CSMD1: variants seen among roughly 807,000 people sequenced by gnomAD.
The protein encoded by CSMD1 is CUB and sushi domain-containing protein 1.
A neutral mutation model predicts 417.5 loss-of-function variants in CSMD1; 213 were observed. The ratio of observed to expected loss-of-function variants is 0.51; its 90% CI spans 0.46 to 0.57. The LOEUF (loss-of-function observed/expected upper bound fraction) is 0.57, where lower values mean the gene tolerates loss of function less well. CSMD1 is among the 20% of genes least tolerant of loss of function. The pLI, the probability that CSMD1 is intolerant of heterozygous loss-of-function variation, is 0.00. For synonymous variants in CSMD1, 2,862 were observed against 1,736.8 expected, an observed-to-expected ratio of 1.65 and a Z score of -16.11; for missense variants, 6,923 against 4,529.7, an observed-to-expected ratio of 1.53 and a Z score of -15.17.
chr8:3,679,202 A>G (rs927867042), intron 7 of CSMD1, among the ~76,000 whole-genome samples: 1 of 152,186 alleles, frequency 6.6e-6, no homozygotes, highest in African/African-American at 2.4e-5. Flanking sequence ...CTTAAATGCA[A>G]ATGGGCTAAA....
At chr8:2,992,400 G>T (rs1284470895) in intron 54 of CSMD1, among the ~76,000 whole-genome samples, 3 of 151,938 alleles carry the variant, frequency 2.0e-5, no homozygotes, top group Non-Finnish European at 4.4e-5. Context: ...CGGTTAACTA[G>T]GTCGAGTTTT....
chr8:4,251,220 C>T (rs1468837042), intron 3 of CSMD1, among the ~76,000 whole-genome samples: 4 of 152,018 alleles, frequency 2.6e-5, no homozygotes, highest in African/African-American at 9.7e-5. Context: ...AAACCTATAA[C>T]AGCTAACAAT....
At chr8:4,620,700 T>C (rs1013261544) in intron 2 of CSMD1, among the ~76,000 whole-genome samples, 9 of 151,952 alleles carry the variant, frequency 5.9e-5, no homozygotes, top group African/African-American at 1.7e-4. Context: ...TAGAAAATAT[T>C]TTAAACTAAA....
chr8:3,892,310 G>A (rs1049911535), intron 5 of CSMD1, among the ~76,000 whole-genome samples: 1 of 152,114 alleles, frequency 6.6e-6, no homozygotes, highest in Admixed American at 6.5e-5. Flanking sequence ...CTTAATTGCT[G>A]AAAAGGGAAA....
intron 3 of CSMD1, among the ~76,000 whole-genome samples, chr8:4,159,662 C>T (rs952032789): frequency 1.3e-5 from 2 of 152,170 alleles, no homozygotes; most frequent in African/African-American, 2.4e-5. Context: ...GATCTCGGCT[C>T]ACTGCAAGCT....
At chr8:2,968,896 T>C (rs1437275877) in intron 57 of CSMD1, among the ~76,000 whole-genome samples, 1 of 152,182 alleles carries the variant, frequency 6.6e-6, no homozygotes, top group East Asian at 1.9e-4. Context: ...TTAACGTGAC[T>C]TCTTCAGCTA....
intron 5 of CSMD1, among the ~76,000 whole-genome samples, chr8:3,931,292 G>A (rs939190570): frequency 2.7e-5 from 4 of 150,394 alleles, no homozygotes; most frequent in African/African-American, 9.8e-5. Context: ...ATGGTATTGT[G>A]AAATTTTCAA....
chr8:3,121,911 A>G (rs1430768309), intron 41 of CSMD1, among the ~76,000 whole-genome samples: 2 of 152,218 alleles, frequency 1.3e-5, no homozygotes, highest in African/African-American at 2.4e-5. Flanking sequence ...ATAAACTGTC[A>G]TAAGTTCAAA....
intron 12 of CSMD1, among the ~76,000 whole-genome samples, chr8:3,462,562 T>C (rs1364461971): frequency 6.6e-6 from 1 of 152,122 alleles, no homozygotes; most frequent in African/African-American, 2.4e-5. Flanking sequence ...TGTCACTGTC[T>C]CCCATCACCC....
At chr8:4,581,049 G>C (rs149966023) in intron 2 of CSMD1, among the ~76,000 whole-genome samples, 2 of 152,228 alleles carry the variant, frequency 1.3e-5, no homozygotes, top group African/African-American at 4.8e-5. Flanking sequence ...ATGGAGCAAA[G>C]ACTGCATATG....
intron 3 of CSMD1, among the ~76,000 whole-genome samples, chr8:4,310,255 T>C (rs182695120): frequency 5.3e-5 from 8 of 152,252 alleles, no homozygotes; most frequent in Admixed American, 4.6e-4. Flanking sequence ...CAGAAAAATA[T>C]GAAGTTAGAA....
At chr8:4,611,232 G>C (rs1801150565) in intron 2 of CSMD1, among the ~76,000 whole-genome samples, 1 of 151,968 alleles carries the variant, frequency 6.6e-6, no homozygotes, top group Non-Finnish European at 1.5e-5. Context: ...TCTTACAATG[G>C]GTACTATTCG....
intron 23 of CSMD1, among the ~76,000 whole-genome samples, chr8:3,331,437 T>C (rs895154125): frequency 2.4e-4 from 36 of 152,268 alleles, no homozygotes; most frequent in East Asian, 7.7e-4. Context: ...ACAGAATGCT[T>C]ATGATGTATC....
At position 4,700,934 on chromosome 8, in the gene CSMD1, G is replaced by C. The variant is rs576592036; in HGVS notation, c.86-63376C>G. Among the ~76,000 whole-genome samples the C allele has an allele frequency of 3.9e-5, 6 of 152,264 alleles. No individual in the cohort carries two copies. In the East Asian group the frequency reaches 9.7e-4, roughly 24 times the overall value. ...TTTCAGAGGAGCAGAGAACACTGTG[G>C]AAGGTATCAAGTAACCTTCGGTCTC... On this transcript the variant is annotated intron_variant, in intron 1 of 69. Coordinates refer to ENST00000635120, the MANE Select transcript of CSMD1 (RefSeq NM_033225.6).
chr8:4,339,829 G>C (rs1451516853), intron 3 of CSMD1, among the ~76,000 whole-genome samples: 2 of 152,046 alleles, frequency 1.3e-5, no homozygotes, highest in African/African-American at 2.4e-5. Flanking sequence ...TTTAAGATCA[G>C]CCTGGGCAAC....
At chr8:4,412,054 C>T (rs928089495) in intron 3 of CSMD1, among the ~76,000 whole-genome samples, 6 of 150,438 alleles carry the variant, frequency 4.0e-5, no homozygotes, top group Non-Finnish European at 8.9e-5. Context: ...TCTCAATGTG[C>T]CTCTGATATA....
intron 3 of CSMD1, among the ~76,000 whole-genome samples, chr8:4,147,257 G>A (rs1186949509): frequency 2.0e-5 from 3 of 152,078 alleles, no homozygotes; most frequent in African/African-American, 7.2e-5. Flanking sequence ...GAATCCTTCA[G>A]CGGCTCCTCC....
chr8:4,889,845 T>G (rs912574891), intron 1 of CSMD1, among the ~76,000 whole-genome samples: 5 of 152,126 alleles, frequency 3.3e-5, no homozygotes, highest in African/African-American at 1.2e-4. Context: ...TTGCTGGAGT[T>G]ACTTTGTATT....
intron 1 of CSMD1, among the ~76,000 whole-genome samples, chr8:4,839,504 A>AT (rs1313525908): frequency 2.6e-5 from 4 of 152,232 alleles, no homozygotes; most frequent in East Asian, 3.9e-4. Flanking sequence ...AACAACTGTG[A>AT]TTTTTTCTGG....
Sources: allele counts gnomAD v4.1 joint callset (sites outside exome capture counted in the v4.1 genomes callset), GRCh38; gene constraint gnomAD v4.1.1; transcripts MANE v1.5; gene names NCBI Gene and HGNC (gene_info 2026-07-23, HGNC 2026-07-21).